The following RBFOX1 variants were observed in gnomAD, a reference collection of about 807,000 sequenced individuals.
RBFOX1 encodes RNA binding protein fox-1 homolog 1.
A neutral mutation model predicts 57.7 loss-of-function variants in RBFOX1; 8 were observed. That is an observed-to-expected ratio of 0.14 (90% CI 0.08 to 0.25). RBFOX1 has a LOEUF of 0.25. RBFOX1 is among the 10% of genes least tolerant of loss of function. RBFOX1 has a pLI of 1.00. For missense variants in RBFOX1, 611 were observed against 548.5 expected (o/e 1.11, Z -1.14); for synonymous variants, 326 against 222.4 (o/e 1.47, Z -4.15).
chr16:5,773,333 A>G (rs1009516020), intron 3 of RBFOX1, among the ~76,000 whole-genome samples: 1 of 152,218 alleles, frequency 6.6e-6, no homozygotes, highest in Non-Finnish European at 1.5e-5. Context: ...CATGTTCACA[A>G]GCAGCCTCTA....
intron 2 of RBFOX1, among the ~76,000 whole-genome samples, chr16:6,597,565 C>T (rs951531977): frequency 5.9e-5 from 9 of 151,952 alleles, no homozygotes; most frequent in East Asian, 1.9e-4. Flanking sequence ...CCCAGCTATT[C>T]GGGAGGCTGA....
At chr16:6,939,036 C>G (rs1054222240) in intron 3 of RBFOX1, among the ~76,000 whole-genome samples, 4 of 152,124 alleles carry the variant, frequency 2.6e-5, no homozygotes, top group Non-Finnish European at 5.9e-5. Flanking sequence ...TGACATGTGA[C>G]GAACTCTGGA....
intron 3 of RBFOX1, among the ~76,000 whole-genome samples, chr16:6,750,573 C>G (rs1047889772): frequency 6.6e-6 from 1 of 152,314 alleles, no homozygotes; most frequent in East Asian, 1.9e-4. Flanking sequence ...ACTATGGTAT[C>G]TAAAGGCATG....
chr16:5,306,091 C>T (rs1015173019), intron 1 of RBFOX1, among the ~76,000 whole-genome samples: 7 of 151,880 alleles, frequency 4.6e-5, no homozygotes, highest in Non-Finnish European at 8.8e-5. Flanking sequence ...GTCCCAGCTA[C>T]TTGGGAGGCT....
chr16:7,104,561 G>A (rs1253577270), intron 4 of RBFOX1, among the ~76,000 whole-genome samples: 2 of 152,108 alleles, frequency 1.3e-5, no homozygotes, highest in East Asian at 3.9e-4. Context: ...TATGATAAAG[G>A]TGGGCTGAAA....
At chr16:6,811,834 A>G (rs1402369040) in intron 3 of RBFOX1, among the ~76,000 whole-genome samples, 1 of 152,230 alleles carries the variant, frequency 6.6e-6, no homozygotes, top group Non-Finnish European at 1.5e-5. Flanking sequence ...GGTTACAGTG[A>G]GCCGAGATTG....
chr16:5,260,037 C>T (rs569484441), intron 1 of RBFOX1, among the ~76,000 whole-genome samples: 1 of 152,236 alleles, frequency 6.6e-6, no homozygotes, highest in East Asian at 1.9e-4. Context: ...CTTGTCTCTA[C>T]TAAAAATACA....
chr16:6,943,459 A>C (rs1262009537), intron 3 of RBFOX1, among the ~76,000 whole-genome samples: 1 of 152,184 alleles, frequency 6.6e-6, no homozygotes, highest in East Asian at 1.9e-4. Flanking sequence ...CTGTAATCTC[A>C]GTACTTTGGG....
intron 1 of RBFOX1, among the ~76,000 whole-genome samples, chr16:5,245,768 C>T (rs138429337): frequency 0.011 from 1,574 of 144,992 alleles, 19 homozygotes; most frequent in African/African-American, 0.036. Context: ...TATTTTCAAA[C>T]ACATTTTACT....
chr16:5,592,093 A>T (rs751582363), intron 2 of RBFOX1, among the ~76,000 whole-genome samples: 21 of 152,210 alleles, frequency 1.4e-4, no homozygotes, highest in Non-Finnish European at 2.8e-4. Flanking sequence ...TACAAGGATT[A>T]TGGGGATTTC....
rs1162406445 is a variant in RBFOX1, at chr16:6,102,089, AT to A, written c.-127+82100del. ...CCTATGTGTGTAGCAGGGTGGTCTG[AT>A]TTCCTTCCTTATAATTCAAGTATTC... On this transcript the variant is annotated intron_variant, in intron 1 of 15. Coordinates refer to ENST00000550418, the MANE Select transcript of RBFOX1 (RefSeq NM_018723.4). Among the ~76,000 whole-genome samples the A allele has an allele frequency of 3.4e-5, 5 of 147,350 alleles. No homozygotes were observed. The East Asian group carries it at 1.0e-3, about 30-fold the overall frequency.
At chr16:6,910,246 G>A (rs1337214608) in intron 3 of RBFOX1, among the ~76,000 whole-genome samples, 1 of 152,096 alleles carries the variant, frequency 6.6e-6, no homozygotes, top group Non-Finnish European at 1.5e-5. Context: ...CTTCACATTT[G>A]CAGTTCAGGC....
At position 7,702,838 on chromosome 16, in the gene RBFOX1, ACAT is replaced by A. The variant is rs945235490; in HGVS notation, c.996-6214_996-6212del. ...TGCAAACCAAAGGATTGTCTTCAACACATCATTTATTTTTCATTTGGAAAAGTC... is the reference window on the plus strand; with the variant it reads ...TGCAAACCAAAGGATTGTCTTCAACACATTTATTTTTCATTTGGAAAAGTC... On this transcript the variant is annotated intron_variant, in intron 14 of 15. Coordinates refer to ENST00000550418, the MANE Select transcript of RBFOX1 (RefSeq NM_018723.4). Among the ~76,000 whole-genome samples, 6 of 152,328 alleles carry A rather than the reference ACAT, an allele frequency of 3.9e-5. No homozygotes were observed. The South Asian group carries it at 1.0e-3, about 26-fold the overall frequency.
chr16:7,299,367 G>T (rs2095975585), intron 4 of RBFOX1, among the ~76,000 whole-genome samples: 1 of 152,156 alleles, frequency 6.6e-6, no homozygotes, highest in African/African-American at 2.4e-5. Context: ...GCCTGCGCTT[G>T]TATTTCTGCT....
At chr16:6,881,024 C>T (rs117222796) in intron 3 of RBFOX1, among the ~76,000 whole-genome samples, 1,835 of 152,242 alleles carry the variant, frequency 0.012, 22 homozygotes, top group Non-Finnish European at 0.02. Flanking sequence ...TGGCCCATAC[C>T]CTCCACCTTC....
intron 3 of RBFOX1, among the ~76,000 whole-genome samples, chr16:5,820,931 A>G (rs2055828777): frequency 6.6e-6 from 1 of 152,130 alleles, no homozygotes; most frequent in South Asian, 2.1e-4. Flanking sequence ...CACACGTTTA[A>G]GGGGATCCCT....
chr16:6,447,913 C>T (rs1314332658), intron 2 of RBFOX1, among the ~76,000 whole-genome samples: 1 of 152,226 alleles, frequency 6.6e-6, no homozygotes, highest in Non-Finnish European at 1.5e-5. Flanking sequence ...ACATCACACA[C>T]GCTGTCATCC....
chr16:5,926,771 T>G (rs893748559), intron 4 of RBFOX1, among the ~76,000 whole-genome samples: 1 of 152,222 alleles, frequency 6.6e-6, no homozygotes, highest in Admixed American at 6.5e-5. Context: ...TTATTTAAGT[T>G]TGAGAAACAT....
At chr16:5,404,364 A>C (rs1334865450) in intron 1 of RBFOX1, among the ~76,000 whole-genome samples, 1 of 152,138 alleles carries the variant, frequency 6.6e-6, no homozygotes, top group African/African-American at 2.4e-5. Flanking sequence ...GTCCCTCCAA[A>C]TGATGAATCC....
Sources: allele counts gnomAD v4.1 joint callset (sites outside exome capture counted in the v4.1 genomes callset), GRCh38; gene constraint gnomAD v4.1.1; transcripts MANE v1.5; gene names NCBI Gene and HGNC (gene_info 2026-07-23, HGNC 2026-07-21).